Variants in CCNY observed in about 807,000 individuals in gnomAD.
CCNY encodes cyclin-Y.
CCNY carries 19 observed loss-of-function variants against 42.8 expected under a neutral mutation model. That is an observed-to-expected ratio of 0.44 (90% CI 0.31 to 0.65). CCNY has a LOEUF of 0.65. CCNY is among the 30% of genes least tolerant of loss of function. The probability of loss-of-function intolerance (pLI) is 0.07; values close to 1 mark genes in which losing one functional copy is unlikely to be tolerated. For missense variants in CCNY, 370 were observed against 437.3 expected (o/e 0.85, Z 1.37); for synonymous variants, 165 against 162.7 (o/e 1.01, Z -0.11).
intron 1 of CCNY, among the ~76,000 whole-genome samples, chr10:35,443,027 T>A (rs1431419037): frequency 6.6e-6 from 1 of 152,158 alleles, no homozygotes; most frequent in Non-Finnish European, 1.5e-5. Flanking sequence ...TATCTAAACA[T>A]CCCTAAACAT....
Position 35,551,283 on chromosome 10 carries a change from CT to C in CCNY, c.580-1734del, listed in dbSNP as rs1841251847. On this transcript the variant is annotated intron_variant, in intron 7 of 9. Coordinates refer to ENST00000374704, the MANE Select transcript of CCNY (RefSeq NM_145012.6). ...CCTAATGAAGTAACAAGTGTGAATT[CT>C]TCCTTTTCTTAAAAAACAAAACAAA... 2.6e-5 allele frequency among the ~76,000 whole-genome samples: 4 copies of C among 152,202 alleles called. No homozygotes were observed. In the South Asian group the frequency reaches 8.3e-4, roughly 31 times the overall value.
At chr10:35,414,362 G>C (rs372470210) in intron 1 of CCNY, among the ~76,000 whole-genome samples, 3 of 152,216 alleles carry the variant, frequency 2.0e-5, no homozygotes, top group African/African-American at 7.2e-5. Flanking sequence ...ACAGTTCCTT[G>C]CTGGCTGCTG....
At chr10:35,399,108 G>A (rs916049141) in intron 1 of CCNY, among the ~76,000 whole-genome samples, 20 of 152,232 alleles carry the variant, frequency 1.3e-4, no homozygotes, top group African/African-American at 4.3e-4. Flanking sequence ...AGCATGAGCT[G>A]ATTGGGTTTC....
At chr10:35,406,779 G>A (rs966017557) in intron 1 of CCNY, among the ~76,000 whole-genome samples, 6 of 152,154 alleles carry the variant, frequency 3.9e-5, no homozygotes, top group Admixed American at 2.0e-4. Flanking sequence ...CCGGGCAGAG[G>A]GGCTCCTCAC....
chr10:35,419,472 G>A (rs1838106896), intron 1 of CCNY, among the ~76,000 whole-genome samples: 1 of 151,666 alleles, frequency 6.6e-6, no homozygotes, highest in Non-Finnish European at 1.5e-5. Context: ...ATGACCCAGG[G>A]TATGTGCTAG....
At chr10:35,544,560 T>C (rs1224182323) in intron 7 of CCNY, among the ~76,000 whole-genome samples, 1 of 152,214 alleles carries the variant, frequency 6.6e-6, no homozygotes, top group Non-Finnish European at 1.5e-5. Context: ...GACGTATGAC[T>C]ATACTTCCAA....
intron 1 of CCNY, among the ~76,000 whole-genome samples, chr10:35,362,908 G>C (rs1460624857): frequency 1.3e-5 from 2 of 151,786 alleles, no homozygotes. Context: ...AGATAGGGCG[G>C]CAGCCGGACA....
At chr10:35,429,973 A>G (rs1234949603) in intron 1 of CCNY, among the ~76,000 whole-genome samples, 6 of 152,190 alleles carry the variant, frequency 3.9e-5, no homozygotes, top group Non-Finnish European at 8.8e-5. Context: ...TTTGGAACAT[A>G]GAAGACTTTG....
chr10:35,279,554 C>G (rs1218596684), intron 3 of CCNY, among the ~76,000 whole-genome samples: 1 of 152,158 alleles, frequency 6.6e-6, no homozygotes, highest in Non-Finnish European at 1.5e-5. Flanking sequence ...TGGAAAATAA[C>G]CAAGTCCAAG....
chr10:35,253,663 T>A (rs1289659732), intron 3 of CCNY, among the ~76,000 whole-genome samples: 2 of 151,894 alleles, frequency 1.3e-5, no homozygotes, highest in African/African-American at 2.4e-5. Context: ...GAAAATATTC[T>A]CAATTATATT....
At chr10:35,376,810 A>G (rs1837062478) in intron 1 of CCNY, among the ~76,000 whole-genome samples, 1 of 152,232 alleles carries the variant, frequency 6.6e-6, no homozygotes, top group Admixed American at 6.5e-5. Context: ...AGCCACATAT[A>G]TTACGATTTC....
intron 1 of CCNY, among the ~76,000 whole-genome samples, chr10:35,361,559 A>G (rs1476133587): frequency 6.6e-6 from 1 of 152,208 alleles, no homozygotes; most frequent in Non-Finnish European, 1.5e-5. Flanking sequence ...GAGACAAAGG[A>G]ATGAAACTTT....
chr10:35,363,475 T>TA (rs1325242221), intron 1 of CCNY, among the ~76,000 whole-genome samples: 2 of 151,950 alleles, frequency 1.3e-5, no homozygotes, highest in Non-Finnish European at 2.9e-5. Flanking sequence ...TGGGGCGGCC[T>TA]GGTAGAGGCG....
chr10:35,475,718 A>G (rs1463707108), intron 1 of CCNY, among the ~76,000 whole-genome samples: 1 of 150,766 alleles, frequency 6.6e-6, no homozygotes, highest in Non-Finnish European at 1.5e-5. Context: ...GACTAGGAAG[A>G]AACTGCATCA....
At chr10:35,335,844 C>T (rs1836011348), upstream of CCNY, 1 of 151,168 alleles carries the variant, frequency 6.6e-6, no homozygotes, top group Admixed American at 6.6e-5. Context: ...CTGTAGTCCT[C>T]GCTACTTTGG....
At chr10:35,413,787 A>G (rs953112210) in intron 1 of CCNY, among the ~76,000 whole-genome samples, 36 of 152,304 alleles carry the variant, frequency 2.4e-4, no homozygotes, top group African/African-American at 7.9e-4. Context: ...GGAGTTGAGG[A>G]AGAAAAAGGC....
At chr10:35,446,838 G>A (rs1838800313) in intron 1 of CCNY, among the ~76,000 whole-genome samples, 1 of 152,148 alleles carries the variant, frequency 6.6e-6, no homozygotes, top group African/African-American at 2.4e-5. Flanking sequence ...TAAGCAATTT[G>A]TCTCTTCATT....
At position 35,467,694 on chromosome 10, in the gene CCNY, A is replaced by G. The variant is rs147776029; in HGVS notation, c.155-15710A>G. 5.3e-5 allele frequency among the ~76,000 whole-genome samples: 8 copies of G among 152,278 alleles called. No individual in the cohort carries two copies. The South Asian group carries it at 8.3e-4, about 16-fold the overall frequency. ...GACTAGGGCCCCCAATACAATGTTG[A>G]TAGTAGGTGGATCCCAGTTTCATTC... On this transcript the variant is annotated intron_variant, in intron 1 of 9. Transcript: ENST00000374704.
At chr10:35,256,476 G>A (rs1264681549) in intron 3 of CCNY, among the ~76,000 whole-genome samples, 1 of 152,068 alleles carries the variant, frequency 6.6e-6, no homozygotes, top group Non-Finnish European at 1.5e-5. Context: ...GCTCACACCT[G>A]TAATTCCAGC....
Sources: gnomAD v4.1 joint callset for allele counts (sites outside exome capture counted in the v4.1 genomes callset) on GRCh38, gnomAD v4.1.1 for gene constraint, MANE v1.5 for transcripts, NCBI Gene and HGNC (gene_info 2026-07-23, HGNC 2026-07-21) for gene names.